SCML4: variants seen among roughly 807,000 people sequenced by gnomAD.
SCML4 encodes Scm polycomb group protein like 4, also known as sex comb on midleg-like protein 4.
In SCML4, 34 loss-of-function variants were observed where a neutral mutation model predicts 41.1. The observed-to-expected ratio is 0.83, with a 90% CI of 0.63 to 1.10. The LOEUF (loss-of-function observed/expected upper bound fraction) is 1.10, where lower values mean the gene tolerates loss of function less well. Ranked by LOEUF, SCML4 falls within the 50% of genes least tolerant of loss-of-function variation. The pLI, the probability that SCML4 is intolerant of heterozygous loss-of-function variation, is 0.00. For missense variants in SCML4, 522 were observed against 534.1 expected (o/e 0.98, Z 0.22); for synonymous variants, 214 against 220.9 (o/e 0.97, Z 0.28).
intron 1 of SCML4, among the ~76,000 whole-genome samples, chr6:107,818,721 G>T (rs549425927): frequency 6.6e-6 from 1 of 152,314 alleles, no homozygotes; most frequent in East Asian, 1.9e-4. Context: ...ATAGGCTTTC[G>T]CCTTGTGTTT....
intron 1 of SCML4, among the ~76,000 whole-genome samples, chr6:107,823,247 A>G (rs915632507): frequency 6.6e-6 from 1 of 152,206 alleles, no homozygotes. Context: ...CAACACGAGG[A>G]GACACCTCTC....
intron 1 of SCML4, among the ~76,000 whole-genome samples, chr6:107,812,584 G>C (rs1784235335): frequency 6.6e-6 from 1 of 152,168 alleles, no homozygotes. Context: ...CCCACACGTG[G>C]GGGGACTTCA....
At chr6:107,844,006 A>C in the SCML4 span, among the ~76,000 whole-genome samples, 1 of 152,224 alleles carries the variant, frequency 6.6e-6, no homozygotes, top group African/African-American at 2.4e-5. Flanking sequence ...TTAAAGGCAA[A>C]GAGAAAAATA....
intron 2 of SCML4, among the ~76,000 whole-genome samples, chr6:107,766,950 T>TC (rs1491121687): frequency 1.7e-5 from 1 of 59,360 alleles, no homozygotes. Context: ...TATTAAGCTA[T>TC]TTTTTTTTTT....
At chr6:107,810,134 A>G (rs1784051242) in intron 1 of SCML4, among the ~76,000 whole-genome samples, 1 of 152,106 alleles carries the variant, frequency 6.6e-6, no homozygotes, top group Non-Finnish European at 1.5e-5. Context: ...GGCTCACACA[A>G]TCTTGGGAGC....
chr6:107,758,544 T>C (rs1460561425), intron 2 of SCML4, among the ~76,000 whole-genome samples: 1 of 152,140 alleles, frequency 6.6e-6, no homozygotes, highest in Non-Finnish European at 1.5e-5. Context: ...GCAGAGGTAA[T>C]TAAGTTAAAA....
At chr6:107,747,346 C>T (rs193144944) in intron 3 of SCML4, among the ~76,000 whole-genome samples, 121 of 152,274 alleles carry the variant, frequency 7.9e-4, no homozygotes, top group African/African-American at 2.8e-3. Flanking sequence ...ACTCCAGAGA[C>T]TATATATTCA....
At chr6:107,785,212 T>G (rs978244216) in intron 1 of SCML4, among the ~76,000 whole-genome samples, 1 of 152,194 alleles carries the variant, frequency 6.6e-6, no homozygotes, top group Non-Finnish European at 1.5e-5. Flanking sequence ...CTTCTATGAG[T>G]AGGACTTTAA....
intron 5 of SCML4, among the ~76,000 whole-genome samples, chr6:107,727,620 G>C (rs1776123088): frequency 6.6e-6 from 1 of 152,180 alleles, no homozygotes; most frequent in Non-Finnish European, 1.5e-5. Context: ...ATGTCTTCAG[G>C]ACCCTGGAAC....
At chr6:107,778,874 G>A (rs1781248645) in intron 1 of SCML4, among the ~76,000 whole-genome samples, 1 of 152,184 alleles carries the variant, frequency 6.6e-6, no homozygotes, top group African/African-American at 2.4e-5. Flanking sequence ...GTACTCTGAT[G>A]TCAAATAAAA....
chr6:107,751,637 T>TCTTTCTTTCTTC (rs1778683870), intron 2 of SCML4, among the ~76,000 whole-genome samples: 1 of 143,524 alleles, frequency 7.0e-6, no homozygotes, highest in East Asian at 2.0e-4. Context: ...TTTCTTTCTT[T>TCTTTCTTTCTTC]CTTTCTTTCT....
intron 5 of SCML4, among the ~76,000 whole-genome samples, chr6:107,738,747 T>C (rs1201878191): frequency 6.6e-6 from 1 of 152,142 alleles, no homozygotes. Context: ...TGCCCATACC[T>C]TCACCTCTGG....
chr6:107,767,843 A>G, intron 2 of SCML4, among the ~76,000 whole-genome samples: 1 of 152,142 alleles, frequency 6.6e-6, no homozygotes, highest in East Asian at 1.9e-4. Flanking sequence ...TCGAGAATTG[A>G]GCCCTTCAAG....
chr6:107,774,934 G>A (rs1780807341), intron 1 of SCML4, among the ~76,000 whole-genome samples: 1 of 151,794 alleles, frequency 6.6e-6, no homozygotes, highest in Non-Finnish European at 1.5e-5. Flanking sequence ...GAGGCAGGTT[G>A]CAGTGAGCTA....
chr6:107,758,859 A>G (rs564611613), intron 2 of SCML4, among the ~76,000 whole-genome samples: 1 of 152,314 alleles, frequency 6.6e-6, no homozygotes, highest in South Asian at 2.1e-4. Context: ...TCTTTGTTAC[A>G]GCAGCCCTAA....
At chr6:107,784,278 G>A (rs1290584163) in intron 1 of SCML4, among the ~76,000 whole-genome samples, 2 of 152,254 alleles carry the variant, frequency 1.3e-5, no homozygotes, top group East Asian at 3.9e-4. Context: ...TACACCTGCA[G>A]GCAAAACCCG....
At chr6:107,826,562 G>T (rs1455069821), upstream of SCML4, among the ~76,000 whole-genome samples, 6 of 152,128 alleles carry the variant, frequency 3.9e-5, no homozygotes, top group East Asian at 9.6e-4. Flanking sequence ...GAAGTAAAAG[G>T]GTTGGCAGAA....
intron 5 of SCML4, among the ~76,000 whole-genome samples, chr6:107,741,142 C>G (rs1455964599): frequency 6.6e-6 from 1 of 151,932 alleles, no homozygotes; most frequent in Non-Finnish European, 1.5e-5. Context: ...GGCTTCAGTC[C>G]CCACCACAGA....
At chr6:107,803,250 G>A (rs1783394901) in intron 1 of SCML4, among the ~76,000 whole-genome samples, 2 of 141,308 alleles carry the variant, frequency 1.4e-5, no homozygotes, top group African/African-American at 2.7e-5. Flanking sequence ...CCCTGTCTGA[G>A]AAGTGAGGAG....
Sources: gnomAD v4.1 joint callset for allele counts (sites outside exome capture counted in the v4.1 genomes callset) on GRCh38, gnomAD v4.1.1 for gene constraint, MANE v1.5 for transcripts, NCBI Gene and HGNC (gene_info 2026-07-23, HGNC 2026-07-21) for gene names.